NCOR2: variants seen among roughly 807,000 people sequenced by gnomAD.
NCOR2 encodes the protein nuclear receptor corepressor 2.
A neutral mutation model predicts 262.9 loss-of-function variants in NCOR2; 81 were observed. The observed-to-expected ratio is 0.31, with a 90% CI of 0.26 to 0.37. The LOEUF (loss-of-function observed/expected upper bound fraction) is 0.37, where lower values mean the gene tolerates loss of function less well. NCOR2 is among the 10% of genes least tolerant of loss of function. NCOR2 has a pLI of 1.00. For synonymous variants in NCOR2, 1,659 were observed against 1,559.3 expected (o/e 1.06, Z -1.51); for missense variants, 3,385 against 3,621.4 (o/e 0.93, Z 1.68).
At chr12:124,340,544 C>T in intron 35 of NCOR2, 58 bp downstream of exon 37, 2 of 1,530,768 alleles carry the variant, frequency 1.3e-6, no homozygotes, top group African/African-American at 1.4e-5. Context: ...CCCGCCCATC[C>T]CCCAGCCGCC....
At chr12:124,410,259 C>T (rs909475077) in intron 13 of NCOR2, among the ~76,000 whole-genome samples, 3 of 148,978 alleles carry the variant, frequency 2.0e-5, no homozygotes, top group African/African-American at 7.4e-5. Context: ...CTCTCTGATG[C>T]GATCGCCCCT....
At chr12:124,474,425 A>C (rs540280580) in intron 3 of NCOR2, among the ~76,000 whole-genome samples, 1 of 152,246 alleles carries the variant, frequency 6.6e-6, no homozygotes, top group African/African-American at 2.4e-5. Flanking sequence ...GCTGTTTTGA[A>C]AATGTGCTTA....
chr12:124,382,886 C>T (rs1347575112), intron 17 of NCOR2, among the ~76,000 whole-genome samples: 1 of 152,254 alleles, frequency 6.6e-6, no homozygotes, highest in Non-Finnish European at 1.5e-5. Context: ...CCATTCTTAT[C>T]CCCATTTTAC....
Position 124,348,226 on chromosome 12 carries a change from A to G in NCOR2, c.3933T>C (p.Tyr1311=), listed in dbSNP as rs371844509. The change falls in exon 29 of 47, where the codon TAT becomes TAC. Residue 1311 remains tyrosine, a synonymous_variant. Transcript: ENST00000405201. ...TGCCCACGCGGCCCTCCATCATGTCATAGGTGCGCTTGGGGGCGGCCGTCT... is the reference window on the plus strand; with the variant it reads ...TGCCCACGCGGCCCTCCATCATGTCGTAGGTGCGCTTGGGGGCGGCCGTCT... 4.3e-6 allele frequency: 7 copies of G among 1,612,796 alleles called. No homozygotes were observed. The African/African-American group carries it at 9.4e-5, about 22-fold the overall frequency.
rs529255473 is a variant in NCOR2 at position 124,523,460 on chromosome 12, G to A, written c.-118+12105C>T. Among the ~76,000 whole-genome samples, 3 of 152,228 alleles carry A rather than the reference G, an allele frequency of 2.0e-5. No individual in the cohort carries two copies. The highest frequency in any genetic ancestry group is 7.2e-5 in the African/African-American group (3 of 41,510). On this transcript the variant is annotated intron_variant, in intron 1 of 46. Coordinates refer to the NCOR2 transcript ENST00000404621. The surrounding 1 kb of genome is among the most constrained non-coding windows in gnomAD (Gnocchi z 4.0). Reference sequence around the variant, plus strand: ...GATCCCAGGGACCTAACCCGGGAAGGACACATCACGCCGGCCAGCATCACC... The same window carrying A: ...GATCCCAGGGACCTAACCCGGGAAGAACACATCACGCCGGCCAGCATCACC...
In NCOR2 at chr12:124,483,462, G is replaced by T; in HGVS notation, c.411+134C>A. ...TCCTGCCACCCAGCTCTGTGCACCC[G>T]GTGCTTGGCCCACCTCCAAGCCTTT... On this transcript the variant is annotated intron_variant, in intron 3 of 46. Coordinates refer to ENST00000405201, the Ensembl canonical transcript of NCOR2. This position sits in a 1 kb window ranked among gnomAD's most constrained non-coding sequence, Gnocchi z 6.3. 1 of 968,666 alleles carries T rather than the reference G, an allele frequency of 1.0e-6. No individual in the cohort carries two copies. The highest frequency in any genetic ancestry group is 1.9e-5 in the South Asian group (1 of 53,100). 60.0% of individuals were successfully genotyped at this position (968,666 alleles called of 1,614,324 possible).
At chr12:124,557,011 C>T (rs111681741) in intron 1 of NCOR2, among the ~76,000 whole-genome samples, 3 of 152,246 alleles carry the variant, frequency 2.0e-5, no homozygotes, top group Admixed American at 6.5e-5. Flanking sequence ...TGAGACAGAG[C>T]GGGCAAGGGG....
At position 124,517,845 on chromosome 12, in the gene NCOR2, C is replaced by A. The variant is rs116007288; in HGVS notation, c.-118+17720G>T. On this transcript the variant is annotated intron_variant, in intron 1 of 46. Transcript: ENST00000404621. The surrounding 1 kb of genome is among the most constrained non-coding windows in gnomAD (Gnocchi z 7.6). ...GCAGCAACTTCGTCCGATGAGACAG[C>A]CCTGCCCACCATCCCGCTGAGCTCA... Among the ~76,000 whole-genome samples, 1 of 152,178 alleles carries A rather than the reference C, an allele frequency of 6.6e-6. No individual in the cohort carries two copies. Among genetic ancestry groups the A allele is most frequent in the Non-Finnish European group, 1.5e-5 (1 of 68,036 alleles).
At chr12:124,428,176 C>T (rs2043701363) in intron 10 of NCOR2, among the ~76,000 whole-genome samples, 1 of 152,026 alleles carries the variant, frequency 6.6e-6, no homozygotes, top group Non-Finnish European at 1.5e-5. Flanking sequence ...CCTTCCAGTG[C>T]AGACTAAACC....
chr12:124,545,575 C>G (rs1172044502), intron 1 of NCOR2, among the ~76,000 whole-genome samples: 1 of 152,226 alleles, frequency 6.6e-6, no homozygotes, highest in African/African-American at 2.4e-5. Flanking sequence ...CAGGCAAGGG[C>G]AGCTCAGCCC....
chr12:124,360,121 T>G (rs1201811892), intron 22 of NCOR2, among the ~76,000 whole-genome samples: 1 of 152,290 alleles, frequency 6.6e-6, no homozygotes, highest in Non-Finnish European at 1.5e-5. Context: ...ACCGTGCAGT[T>G]CCAGCCCTGA....
intron 41 of NCOR2, 123 bp downstream of exon 43, chr12:124,334,301 G>T: frequency 1.6e-6 from 1 of 639,072 alleles, no homozygotes. Flanking sequence ...TCCATTTCTT[G>T]CCTGTGCAAT....
At chr12:124,437,807 G>GC (rs2044446446) in intron 8 of NCOR2, 123 bp downstream of exon 10, 1 of 710,312 alleles carries the variant, frequency 1.4e-6, no homozygotes, top group South Asian at 1.8e-5. Flanking sequence ...TTCCTCCGCA[G>GC]CCTGGACACT....
chr12:124,345,034 G>C, intron 31 of NCOR2, 83 bp from the exon 34 acceptor site: 2 of 1,286,432 alleles, frequency 1.6e-6, no homozygotes, highest in Non-Finnish European at 2.1e-6. Flanking sequence ...GCCTCAAAAA[G>C]TTTGTCATCT....
chr12:124,374,388 C>T (rs759354177), intron 19 of NCOR2, 25 bp downstream of exon 21: 2 of 1,611,194 alleles, frequency 1.2e-6, no homozygotes, highest in South Asian at 1.1e-5. Flanking sequence ...GCCCTACCCC[C>T]CAGGCCAGCC....
At chr12:124,342,226 G>A (rs1210965884) in intron 33 of NCOR2, 152 bp from the exon 36 acceptor site, 33 of 898,082 alleles carry the variant, frequency 3.7e-5, no homozygotes, top group East Asian at 8.0e-5. Context: ...ACTGAGCGTC[G>A]GACAGCAGGA....
In NCOR2 at chr12:124,378,763, C is replaced by G. The variant is rs2040201428; in HGVS notation, c.2020-379G>C. Among the ~76,000 whole-genome samples the G allele has an allele frequency of 6.6e-6, 1 of 152,194 alleles. No homozygotes were observed. The highest frequency in any genetic ancestry group is 2.4e-5 in the African/African-American group (1 of 41,442). On this transcript the variant is annotated intron_variant, in intron 17 of 46. Coordinates refer to ENST00000405201, the Ensembl canonical transcript of NCOR2. This position sits in a 1 kb window ranked among gnomAD's most constrained non-coding sequence, Gnocchi z 4.2. ...ACGTGGAGTGAATGAACACAGGAAG[C>G]TTTTCCTTGCTATGCAAGTCTCACC...
intron 21 of NCOR2, 132 bp downstream of exon 23, chr12:124,363,547 A>T (rs962119705): frequency 1.1e-6 from 1 of 927,956 alleles, no homozygotes; most frequent in Non-Finnish European, 1.5e-6. Context: ...CTCCACGGGG[A>T]TTTCTCCAGG....
intron 16 of NCOR2, chr12:124,388,745 GC>G: frequency 7.7e-7 from 1 of 1,304,242 alleles, no homozygotes; most frequent in African/African-American, 1.5e-5. Context: ...CTGGGAAGAT[GC>G]CCCAGGGAGC....
Sources: gnomAD v4.1 joint callset for allele counts (sites outside exome capture counted in the v4.1 genomes callset) on GRCh38, gnomAD v4.1.1 for gene constraint, Gnocchi (gnomAD v3.1) non-coding constraint, MANE v1.5 for transcripts, NCBI Gene and HGNC (gene_info 2026-07-23, HGNC 2026-07-21) for gene names.